The following COQ9 variants were observed in gnomAD, a reference collection of about 807,000 sequenced individuals.
COQ9 encodes coenzyme Q9.
Under a neutral mutation model 42.4 loss-of-function variants are expected in COQ9, and 35 were observed. The observed-to-expected ratio is 0.83, with a 90% CI of 0.63 to 1.10. COQ9 has a LOEUF of 1.10. COQ9 is among the 50% of genes least tolerant of loss of function. The pLI is 0.00. For missense variants in COQ9, 406 were observed against 414.6 expected, an observed-to-expected ratio of 0.98 and a Z score of 0.18; for synonymous variants, 155 against 155.1, an observed-to-expected ratio of 1.00 and a Z score of 0.00.
intron 3 of COQ9, 35 bp from the exon 4 acceptor site, chr16:57,456,469 C>T (rs746532660): frequency 2.5e-6 from 4 of 1,613,014 alleles, no homozygotes; most frequent in East Asian, 2.2e-5. Flanking sequence ...TACACTTGGG[C>T]ACCGCTTTTC....
Position 57,458,340 on chromosome 16 carries a change from A to T in COQ9, c.701A>T (p.Gln234Leu), listed in dbSNP as rs1319039176. The change falls in exon 6 of 9, where the codon CAG becomes CTG. Residue 234 changes from glutamine (Q) to leucine (L), a missense_variant. Coordinates refer to ENST00000262507, the MANE Select transcript of COQ9 (RefSeq NM_020312.4). ...VDDMWHYAGD[Q>L]STDFNWYTRR... ...GACATGTGGCATTACGCTGGGGACCAGTCCACTGATGTGAGTGCTTTCTGC... is the reference window on the plus strand; with the variant it reads ...GACATGTGGCATTACGCTGGGGACCTGTCCACTGATGTGAGTGCTTTCTGC... The T allele has an allele frequency of 6.2e-7, 1 of 1,610,934 alleles. No homozygotes were observed. The highest frequency in any genetic ancestry group is 8.5e-7 in the Non-Finnish European group (1 of 1,178,140).
At position 57,452,808 on chromosome 16, in the gene COQ9, G is replaced by C. The variant is rs2030317147; in HGVS notation, c.250G>C (p.Asp84His). Residue 84 changes from aspartate (D) to histidine (H), a missense_variant, in exon 3 of 9, where the codon GAC (aspartate) becomes CAC (histidine). Physicochemically the swap from Asp to His is moderately conservative, Grantham distance 81. Transcript: ENST00000262507. The part of the protein sequence containing the change: ...ESSHSPPRYT[D>H]QGGEEEEDYE... ...TGTGTCCTCTTGTCTCAGGTATACA[G>C]ACCAGGGCGGCGAGGAGGAGGAGGA... The C allele has an allele frequency of 6.2e-7, 1 of 1,613,022 alleles. No homozygotes were observed. Among genetic ancestry groups the C allele is most frequent in the African/African-American group, 1.3e-5 (1 of 74,908 alleles).
chr16:57,452,929 G>A lies in COQ9; in HGVS notation c.371G>A (p.Gly124Glu). Reference sequence around the variant, plus strand: ...TGGACAGCAGAGGCGATTGCAGAAGGAGCCCAGGTGTGTATAGGTGAGGGT... The same window carrying A: ...TGGACAGCAGAGGCGATTGCAGAAGAAGCCCAGGTGTGTATAGGTGAGGGT... ...HGWTAEAIAEGAQSLGLSSAA... is the reference protein window; with the variant it reads ...HGWTAEAIAEEAQSLGLSSAA... The change falls in exon 3 of 9, where the codon GGA (glycine) becomes GAA (glutamate). Residue 124 changes from glycine (G) to glutamate (E), a missense_variant. Gly to Glu is a moderately conservative substitution (Grantham distance 98). Transcript: ENST00000262507. The A allele has an allele frequency of 2.5e-6, 4 of 1,613,534 alleles. No individual in the cohort carries two copies. Among genetic ancestry groups the A allele is most frequent in the Non-Finnish European group, 3.4e-6 (4 of 1,179,914 alleles).
At position 57,459,659 on chromosome 16, in the gene COQ9, C is replaced by G. The variant is rs748985109; in HGVS notation, c.806C>G (p.Thr269Ser). The G allele has an allele frequency of 1.2e-6, 2 of 1,614,188 alleles. No homozygotes were observed. The highest frequency in any genetic ancestry group is 4.5e-5 in the East Asian group (2 of 44,880). ...GACTCCTCTCCAGACTTTGAGGACA[C>G]TTGGCGCTTCCTGGAAAACCGGGTT... is the stretch of plus-strand genomic sequence containing the variant. ...MQDSSPDFED[T>S]WRFLENRVND... The change falls in exon 7 of 9, where the codon ACT (threonine) becomes AGT (serine). Residue 269 changes from threonine (T) to serine (S), a missense_variant. Physicochemically the swap from Thr to Ser is moderately conservative, Grantham distance 58. Transcript: ENST00000262507.
At chr16:57,454,221 A>G (rs1439033340) in intron 3 of COQ9, 1 of 152,238 alleles carries the variant, frequency 6.6e-6, no homozygotes, top group Non-Finnish European at 1.5e-5. Flanking sequence ...TATTGGCAAG[A>G]ATTGTCTGTG....
chr16:57,453,486 G>T, intron 3 of COQ9: 1 of 191,318 alleles, frequency 5.2e-6, no homozygotes, highest in Non-Finnish European at 1.1e-5. Context: ...GCAGGCTCAT[G>T]TTCAGGCCAT....
intron 7 of COQ9, 112 bp downstream of exon 7, chr16:57,459,832 C>G: frequency 1.6e-6 from 2 of 1,287,914 alleles, no homozygotes; most frequent in Non-Finnish European, 2.3e-6. Flanking sequence ...TGAGGGCCTT[C>G]CCAAGGGCCT....
chr16:57,454,436 G>GC (rs1476144164), intron 3 of COQ9: 1 of 152,274 alleles, frequency 6.6e-6, no homozygotes, highest in Non-Finnish European at 1.5e-5. Flanking sequence ...CAGAGGGATT[G>GC]CTTGAGCCCA....
chr16:57,449,033 G>A (rs1298339328), intron 1 of COQ9, among the ~76,000 whole-genome samples: 2 of 152,148 alleles, frequency 1.3e-5, no homozygotes, highest in African/African-American at 4.8e-5. Flanking sequence ...TAGCATGAAC[G>A]GAGCCCAACC....
chr16:57,456,797 C>G, intron 4 of COQ9, 134 bp from the exon 5 acceptor site: 1 of 1,318,154 alleles, frequency 7.6e-7, no homozygotes, highest in Non-Finnish European at 1.1e-6. Flanking sequence ...AACCTGGCAG[C>G]CTGTCTCTGA....
Position 57,460,725 on chromosome 16 carries a change from G to A in COQ9, c.*101G>A, listed in dbSNP as rs543575586. The A allele has an allele frequency of 2.2e-4, 248 of 1,127,332 alleles. No homozygotes were observed. In the African/African-American group the frequency reaches 3.4e-3, roughly 16 times the overall value. 69.8% of individuals were successfully genotyped at this position (1,127,332 alleles called of 1,614,324 possible). A position where few individuals can be genotyped will look rare whatever the true frequency, so the allele number is the denominator to read the frequency against. Reference sequence around the variant, plus strand: ...GCCATCCACATAACCTGGTGTTCACGAGAACACACTAAAGGACTCCTGAGT... The same window carrying A: ...GCCATCCACATAACCTGGTGTTCACAAGAACACACTAAAGGACTCCTGAGT... On this transcript the variant is annotated 3_prime_UTR_variant, in exon 9 of 9. Coordinates refer to ENST00000262507, the MANE Select transcript of COQ9 (RefSeq NM_020312.4).
chr16:57,459,181 A>G (rs1323505275), intron 6 of COQ9, among the ~76,000 whole-genome samples: 1 of 152,134 alleles, frequency 6.6e-6, no homozygotes, highest in Non-Finnish European at 1.5e-5. Flanking sequence ...TGATGAACAC[A>G]CCAAGGTTCG....
At position 57,456,789 on chromosome 16, in the gene COQ9, C is replaced by T. The variant is rs1160157198; in HGVS notation, c.522-142C>T. 4 of 1,323,812 alleles carry T rather than the reference C, an allele frequency of 3.0e-6. No individual in the cohort carries two copies. The African/African-American group carries it at 4.4e-5, about 14-fold the overall frequency. The allele number at this position is 1,323,812 out of a possible 1,614,324, so 82.0% of individuals were successfully genotyped here. A position where few individuals can be genotyped will look rare whatever the true frequency, so the allele number is the denominator to read the frequency against. On this transcript the variant is annotated intron_variant, in intron 4 of 8. Coordinates refer to ENST00000262507, the MANE Select transcript of COQ9 (RefSeq NM_020312.4). ...CCCTGCTGCTGTGATGGGACTGAAA[C>T]CTGGCAGCCTGTCTCTGACGGCTTT...
intron 8 of COQ9, 112 bp from the exon 9 acceptor site, chr16:57,460,476 CT>C: frequency 9.4e-7 from 1 of 1,062,012 alleles, no homozygotes. Context: ...AAAACCCTGT[CT>C]CTATGCAAAA....
Position 57,460,662 on chromosome 16 carries a change from G to A in COQ9, c.*38G>A. 6.3e-7 allele frequency: 1 copy of A among 1,591,122 alleles called. No homozygotes were observed. Among genetic ancestry groups the A allele is most frequent in the Non-Finnish European group, 8.6e-7 (1 of 1,159,198 alleles). On this transcript the variant is annotated 3_prime_UTR_variant, in exon 9 of 9. Transcript: ENST00000262507. ...TAAGCTACAATGCCTAGAAGAGAATGAGCGGACAGATTGAAAGAGCTTTGA... is the reference window on the plus strand; with the variant it reads ...TAAGCTACAATGCCTAGAAGAGAATAAGCGGACAGATTGAAAGAGCTTTGA...
chr16:57,448,010 ACT>A (rs1383042232), intron 1 of COQ9, among the ~76,000 whole-genome samples: 1 of 152,014 alleles, frequency 6.6e-6, no homozygotes, highest in African/African-American at 2.4e-5. Context: ...ATTCTGTGAT[ACT>A]CTCTTACCAC....
Position 57,459,486 on chromosome 16 carries a change from C to A in COQ9, c.712-79C>A, listed in dbSNP as rs1042312082. 11 of 1,463,698 alleles carry A rather than the reference C, an allele frequency of 7.5e-6. No homozygotes were observed. In the African/African-American group the frequency reaches 1.1e-4, roughly 15 times the overall value. The allele number at this position is 1,463,698 out of a possible 1,614,324, so 90.7% of individuals were successfully genotyped here. ...AGTCAAGAAGTAGTCAAGAGGGAAC[C>A]CAGGAGTTCCCATGGCCTTGGGTAG... On this transcript the variant is annotated intron_variant, in intron 6 of 8. Coordinates refer to ENST00000262507, the MANE Select transcript of COQ9 (RefSeq NM_020312.4).
At position 57,452,797 on chromosome 16, in the gene COQ9, T is replaced by C. The variant is rs1272677610; in HGVS notation, c.243-4T>C. The C allele has an allele frequency of 6.2e-6, 10 of 1,612,804 alleles. No individual in the cohort carries two copies. Among genetic ancestry groups the C allele is most frequent in the Non-Finnish European group, 8.5e-6 (10 of 1,180,000 alleles). On this transcript the variant is annotated splice_region_variant and splice_polypyrimidine_tract_variant and intron_variant, in intron 2 of 8. Coordinates refer to ENST00000262507, the MANE Select transcript of COQ9 (RefSeq NM_020312.4). ...GTATGCTGGGCTGTGTCCTCTTGTC[T>C]CAGGTATACAGACCAGGGCGGCGAG...
chr16:57,448,832 A>G (rs2030206867), intron 1 of COQ9, among the ~76,000 whole-genome samples: 1 of 152,232 alleles, frequency 6.6e-6, no homozygotes. Context: ...TAGTACAAGT[A>G]TATTCATAGC....
Sources: allele counts gnomAD v4.1 joint callset (sites outside exome capture counted in the v4.1 genomes callset), GRCh38; gene constraint gnomAD v4.1.1; transcripts MANE v1.5; gene names NCBI Gene and HGNC (gene_info 2026-07-23, HGNC 2026-07-21).